DYNC1I1: variants seen among roughly 807,000 people sequenced by gnomAD.
DYNC1I1 encodes the protein dynein cytoplasmic 1 intermediate chain 1, also known as cytoplasmic dynein 1 intermediate chain 1.
Under a neutral mutation model 86.6 loss-of-function variants are expected in DYNC1I1, and 43 were observed. That is an observed-to-expected ratio of 0.50 (90% CI 0.39 to 0.64). The LOEUF (loss-of-function observed/expected upper bound fraction) is 0.64. Ranked by LOEUF, DYNC1I1 falls within the 30% of genes least tolerant of loss-of-function variation. The probability of loss-of-function intolerance (pLI) is 0.00; values close to 1 mark genes in which losing one functional copy is unlikely to be tolerated. For missense variants in DYNC1I1, 604 were observed against 788.8 expected, an observed-to-expected ratio of 0.77 and a Z score of 2.81; for synonymous variants, 262 against 283.7, an observed-to-expected ratio of 0.92 and a Z score of 0.77.
chr7:95,825,398 G>A (rs987194974), intron 4 of DYNC1I1, among the ~76,000 whole-genome samples: 11 of 152,322 alleles, frequency 7.2e-5, no homozygotes, highest in African/African-American at 2.4e-4. Context: ...CCTACTCCTT[G>A]CAAGGAAAGC....
chr7:95,853,251 CA>C (rs1789627590), intron 5 of DYNC1I1, among the ~76,000 whole-genome samples: 1 of 152,168 alleles, frequency 6.6e-6, no homozygotes, highest in Admixed American at 6.5e-5. Flanking sequence ...GTCATTAGGT[CA>C]TGAGAGCCTT....
intron 16 of DYNC1I1, among the ~76,000 whole-genome samples, chr7:96,085,629 A>G (rs565283646): frequency 3.9e-5 from 6 of 152,186 alleles, no homozygotes; most frequent in Admixed American, 1.3e-4. Flanking sequence ...AGTTATGCGA[A>G]TCTGAATCTG....
intron 4 of DYNC1I1, among the ~76,000 whole-genome samples, chr7:95,822,468 A>G (rs994562510): frequency 1.1e-4 from 16 of 152,308 alleles, no homozygotes; most frequent in Admixed American, 1.0e-3. Context: ...GATATGTTCA[A>G]GGTTAAATAA....
At chr7:95,940,123 G>A (rs140335320) in intron 6 of DYNC1I1, among the ~76,000 whole-genome samples, 4,024 of 152,056 alleles carry the variant, frequency 0.026, 142 homozygotes, top group African/African-American at 0.078. Flanking sequence ...TTAAATATTG[G>A]CCCCCACTCT....
intron 11 of DYNC1I1, among the ~76,000 whole-genome samples, chr7:96,030,494 G>A (rs981223078): frequency 1.8e-4 from 27 of 151,956 alleles, no homozygotes; most frequent in African/African-American, 6.5e-4. Flanking sequence ...GCCTGGGAGG[G>A]GCTGCCACAC....
intron 15 of DYNC1I1, among the ~76,000 whole-genome samples, chr7:96,078,922 G>T (rs1790427992): frequency 6.6e-6 from 1 of 152,002 alleles, no homozygotes; most frequent in East Asian, 1.9e-4. Flanking sequence ...GCCTCTGAAA[G>T]ATTTGGTTAA....
intron 6 of DYNC1I1, among the ~76,000 whole-genome samples, chr7:95,958,131 C>A (rs1043792275): frequency 2.6e-5 from 4 of 152,132 alleles, no homozygotes; most frequent in Non-Finnish European, 5.9e-5. Context: ...GATGTGACAA[C>A]CAGAACATCT....
intron 14 of DYNC1I1, among the ~76,000 whole-genome samples, chr7:96,064,756 A>G (rs1789909397): frequency 6.6e-6 from 1 of 152,220 alleles, no homozygotes; most frequent in Non-Finnish European, 1.5e-5. Context: ...CACAGGTGTC[A>G]GACAAAATAG....
At chr7:95,907,850 T>C (rs1791217390) in intron 6 of DYNC1I1, among the ~76,000 whole-genome samples, 1 of 152,004 alleles carries the variant, frequency 6.6e-6, no homozygotes, top group Non-Finnish European at 1.5e-5. Context: ...AATTATCAGT[T>C]ACATGGAAAA....
intron 11 of DYNC1I1, 73 bp downstream of exon 11, chr7:96,028,394 T>G: frequency 6.5e-7 from 1 of 1,533,966 alleles, no homozygotes; most frequent in South Asian, 1.3e-5. Context: ...CTCAAAAAAG[T>G]ATGGATGTTT....
At position 96,106,404 on chromosome 7, in the gene DYNC1I1, C is replaced by T. The variant is rs574440742; in HGVS notation, c.1543-3575C>T. Among the ~76,000 whole-genome samples, 7 of 151,896 alleles carry T rather than the reference C, an allele frequency of 4.6e-5. No homozygotes were observed. In the East Asian group the frequency reaches 5.8e-4, roughly 13 times the overall value. On this transcript the variant is annotated intron_variant, in intron 16 of 16. Coordinates refer to the DYNC1I1 transcript ENST00000537881. ...CAAAAAATTAGCCAGGTGTGGTGGC[C>T]GGCGCCTATAATCCCAGCTACTCGG...
chr7:96,044,399 A>G (rs995180465), intron 14 of DYNC1I1, among the ~76,000 whole-genome samples: 8 of 152,152 alleles, frequency 5.3e-5, no homozygotes, highest in African/African-American at 1.4e-4. Context: ...AAAAATTACA[A>G]TACGTTAAAG....
chr7:95,977,731 G>C (rs1306048696), intron 7 of DYNC1I1, 130 bp downstream of exon 7: 3 of 682,166 alleles, frequency 4.4e-6, no homozygotes, highest in Non-Finnish European at 7.0e-6. Flanking sequence ...TTCTATGATT[G>C]TTCAATACAT....
intron 5 of DYNC1I1, among the ~76,000 whole-genome samples, chr7:95,852,493 C>T (rs1233295897): frequency 3.3e-5 from 5 of 151,548 alleles, no homozygotes; most frequent in Admixed American, 1.3e-4. Context: ...CTTTATTTTT[C>T]TTCTCTAATT....
At chr7:95,969,542 C>T (rs988422539) in intron 6 of DYNC1I1, among the ~76,000 whole-genome samples, 5 of 152,180 alleles carry the variant, frequency 3.3e-5, no homozygotes, top group African/African-American at 1.2e-4. Context: ...CTGAGAAGGT[C>T]CTTGTTCTCT....
At chr7:95,923,066 G>C (rs1362543880) in intron 6 of DYNC1I1, among the ~76,000 whole-genome samples, 1 of 151,990 alleles carries the variant, frequency 6.6e-6, no homozygotes, top group Admixed American at 6.6e-5. Context: ...GGGACCTTCT[G>C]TTTTCATATC....
intron 15 of DYNC1I1, among the ~76,000 whole-genome samples, chr7:96,079,074 G>A (rs192297160): frequency 1.6e-3 from 237 of 151,804 alleles, no homozygotes; most frequent in Admixed American, 3.1e-3. Flanking sequence ...TGATTTAAGC[G>A]GGTGAAAGAA....
intron 5 of DYNC1I1, among the ~76,000 whole-genome samples, chr7:95,829,473 AT>A (rs1231770350): frequency 2.6e-5 from 4 of 152,194 alleles, no homozygotes; most frequent in African/African-American, 9.6e-5. Flanking sequence ...CAGAGAATGT[AT>A]GGTAAGTTAT....
chr7:95,805,146 T>G (rs1366221687), intron 2 of DYNC1I1, among the ~76,000 whole-genome samples: 1 of 152,144 alleles, frequency 6.6e-6, no homozygotes, highest in African/African-American at 2.4e-5. Context: ...TCTTAACCTT[T>G]CTGTGCCTCA....
Sources: allele counts gnomAD v4.1 joint callset (sites outside exome capture counted in the v4.1 genomes callset), GRCh38; gene constraint gnomAD v4.1.1; transcripts MANE v1.5; gene names NCBI Gene and HGNC (gene_info 2026-07-23, HGNC 2026-07-21).